The following UNC13C variants were observed in gnomAD, a reference collection of about 807,000 sequenced individuals.
UNC13C encodes the protein protein unc-13 homolog C.
UNC13C carries 174 observed loss-of-function variants against 245.4 expected under a neutral mutation model. The observed-to-expected ratio is 0.71, with a 90% CI of 0.63 to 0.80. The LOEUF (loss-of-function observed/expected upper bound fraction) is 0.80, where lower values mean the gene tolerates loss of function less well. Ranked by LOEUF, UNC13C falls within the 30% of genes least tolerant of loss-of-function variation. The pLI, the probability that UNC13C is intolerant of heterozygous loss-of-function variation, is 0.00. For synonymous variants in UNC13C, 992 were observed against 895.1 expected, an observed-to-expected ratio of 1.11 and a Z score of -1.93; for missense variants, 2,829 against 2,602.9, an observed-to-expected ratio of 1.09 and a Z score of -1.89.
At chr15:54,500,057 T>C in intron 20 of UNC13C, 22 bp from the exon 21 acceptor site, 1 of 1,555,062 alleles carries the variant, frequency 6.4e-7, no homozygotes, top group Non-Finnish European at 8.8e-7. Context: ...TTGTGGTATG[T>C]AACATTATTA....
chr15:54,453,980 G>C (rs1249953755), intron 19 of UNC13C, among the ~76,000 whole-genome samples: 3 of 152,040 alleles, frequency 2.0e-5, no homozygotes, highest in African/African-American at 7.2e-5. Flanking sequence ...TCTGTGGATT[G>C]GCATATTCCA....
chr15:54,414,038 C>G (rs766010569), intron 18 of UNC13C, among the ~76,000 whole-genome samples: 1 of 152,106 alleles, frequency 6.6e-6, no homozygotes, highest in Non-Finnish European at 1.5e-5. Context: ...AAAACACATG[C>G]AAACAAAATA....
chr15:54,444,592 T>C (rs1182927388), intron 19 of UNC13C, among the ~76,000 whole-genome samples: 2 of 151,774 alleles, frequency 1.3e-5, no homozygotes, highest in East Asian at 1.9e-4. Context: ...GGATCATTTG[T>C]ATATCCTTTG....
At chr15:54,537,292 C>G (rs1023844028) in intron 26 of UNC13C, among the ~76,000 whole-genome samples, 9 of 151,952 alleles carry the variant, frequency 5.9e-5, no homozygotes, top group East Asian at 5.8e-4. Flanking sequence ...TGAAAGATCT[C>G]TAGAACAAGA....
intron 17 of UNC13C, among the ~76,000 whole-genome samples, chr15:54,350,215 CT>C: frequency 6.6e-6 from 1 of 152,296 alleles, no homozygotes; most frequent in Non-Finnish European, 1.5e-5. Flanking sequence ...TGGTCTTGAT[CT>C]CCTGACCTCG....
intron 13 of UNC13C, chr15:54,321,151 CT>C: frequency 1.9e-6 from 1 of 518,442 alleles, no homozygotes; most frequent in South Asian, 1.4e-5. Flanking sequence ...CAGGGCTTTT[CT>C]TACTTCACAG....
intron 4 of UNC13C, among the ~76,000 whole-genome samples, chr15:54,165,293 A>C (rs2033124433): frequency 6.6e-6 from 1 of 152,316 alleles, no homozygotes; most frequent in South Asian, 2.1e-4. Context: ...GTTAATAATA[A>C]ATCATTACTA....
At chr15:54,596,216 G>A (rs1471251869) in intron 30 of UNC13C, among the ~76,000 whole-genome samples, 2 of 152,034 alleles carry the variant, frequency 1.3e-5, no homozygotes, top group East Asian at 1.9e-4. Flanking sequence ...TTTTTTCATG[G>A]CATATAAATA....
At chr15:53,898,415 C>T in the UNC13C span, among the ~76,000 whole-genome samples, 1 of 135,218 alleles carries the variant, frequency 7.4e-6, no homozygotes, top group African/African-American at 2.5e-5. Context: ...GACACATACA[C>T]ACACACACAC....
rs188685209 is a variant in UNC13C, at chr15:54,550,150, T to A, written c.5877+459T>A. On this transcript the variant is annotated intron_variant, in intron 28 of 32. Transcript: ENST00000260323. ...TTTAGGCAGGAAACTTCAGTCCCTG[T>A]TCCTCTAGCATAGGAACTTGACTGG... is the stretch of plus-strand genomic sequence containing the variant. Among the ~76,000 whole-genome samples the A allele has an allele frequency of 2.2e-3, 337 of 152,298 alleles. 1 individual carries two copies. Among genetic ancestry groups the A allele is most frequent in the Non-Finnish European group, 2.6e-3 (175 of 68,026 alleles).
At chr15:54,422,068 C>A (rs1347970780) in intron 19 of UNC13C, among the ~76,000 whole-genome samples, 1 of 151,970 alleles carries the variant, frequency 6.6e-6, no homozygotes, top group Admixed American at 6.6e-5. Flanking sequence ...AGAAGTACAA[C>A]CTTCTCACCC....
intron 26 of UNC13C, among the ~76,000 whole-genome samples, chr15:54,535,097 A>C (rs1258110359): frequency 6.6e-6 from 1 of 152,208 alleles, no homozygotes; most frequent in Non-Finnish European, 1.5e-5. Flanking sequence ...TGTCCCACTT[A>C]AAAGGCAGGA....
At position 54,289,505 on chromosome 15, in the gene UNC13C, C is replaced by T. The variant is rs369776932; in HGVS notation, c.3819-4390C>T. On this transcript the variant is annotated intron_variant, in intron 10 of 32. Transcript: ENST00000260323. ...ACAGAGTCAGTTCTATGTTTTTAGA[C>T]TCTGTTACTTGCCACTCCCTTCATG... Among the ~76,000 whole-genome samples, 69 of 152,154 alleles carry T rather than the reference C, an allele frequency of 4.5e-4. No homozygotes were observed. In the East Asian group the frequency reaches 9.7e-3, roughly 21 times the overall value.
rs749265889 is a variant in UNC13C, at chr15:54,411,045, T to C, written c.4848-3937T>C. On this transcript the variant is annotated intron_variant, in intron 18 of 32. Transcript: ENST00000260323. ...TTTTGTTTTTTTTAAGCTATTCTAATAGACATGTAGTATCACATCATAATT... is the reference window on the plus strand; with the variant it reads ...TTTTGTTTTTTTTAAGCTATTCTAACAGACATGTAGTATCACATCATAATT... 1.5e-4 allele frequency among the ~76,000 whole-genome samples: 23 copies of C among 152,330 alleles called. No homozygotes were observed. The East Asian group carries it at 2.3e-3, about 15-fold the overall frequency.
chr15:53,951,447 T>C, the UNC13C span, among the ~76,000 whole-genome samples: 2 of 152,248 alleles, frequency 1.3e-5, no homozygotes, highest in African/African-American at 4.8e-5. Flanking sequence ...TTTAACTCCA[T>C]TACAGATTAA....
At chr15:54,076,952 T>G (rs1330898798) in intron 2 of UNC13C, among the ~76,000 whole-genome samples, 3 of 152,252 alleles carry the variant, frequency 2.0e-5, no homozygotes, top group Non-Finnish European at 2.9e-5. Flanking sequence ...TGTTATATTT[T>G]TCTAATCTGT....
intron 19 of UNC13C, among the ~76,000 whole-genome samples, chr15:54,420,258 G>A (rs1355511507): frequency 6.6e-6 from 1 of 152,076 alleles, no homozygotes; most frequent in Non-Finnish European, 1.5e-5. Context: ...TGCTTTCCTA[G>A]GTGACATACT....
chr15:53,979,251 G>A (rs1478750877), intron 1 of UNC13C, among the ~76,000 whole-genome samples: 1 of 152,108 alleles, frequency 6.6e-6, no homozygotes, highest in Non-Finnish European at 1.5e-5. Context: ...ATAACCCCTC[G>A]GAATTTTGGA....
chr15:54,048,639 A>C (rs1897142453), intron 2 of UNC13C: 1 of 364,254 alleles, frequency 2.7e-6, no homozygotes, highest in Non-Finnish European at 5.5e-6. Context: ...TTGATTAGCA[A>C]CTGCCATAGC....
Sources: allele counts gnomAD v4.1 joint callset (sites outside exome capture counted in the v4.1 genomes callset), GRCh38; gene constraint gnomAD v4.1.1; transcripts MANE v1.5; gene names NCBI Gene and HGNC (gene_info 2026-07-23, HGNC 2026-07-21).